The following SUN1 variants were observed in gnomAD, a reference collection of about 807,000 sequenced individuals.
SUN1 encodes SUN domain-containing protein 1.
SUN1 carries 61 observed loss-of-function variants against 103.2 expected under a neutral mutation model. The ratio of observed to expected loss-of-function variants is 0.59; its 90% CI spans 0.48 to 0.73. SUN1 has a LOEUF of 0.73. Among genes scored for constraint, SUN1 ranks in the 30% least tolerant of loss-of-function variants. The pLI is 0.00. For synonymous variants in SUN1, 490 were observed against 425.7 expected (o/e 1.15, Z -1.86); for missense variants, 1,052 against 1,034.6 (o/e 1.02, Z -0.23).
intron 15 of SUN1, among the ~76,000 whole-genome samples, chr7:865,634 C>A (rs1374762310): frequency 6.6e-6 from 1 of 152,106 alleles, no homozygotes; most frequent in African/African-American, 2.4e-5. Flanking sequence ...CATATGGTAG[C>A]TCTGTTTTTA....
chr7:838,148 G>C (rs773537764), intron 1 of SUN1, among the ~76,000 whole-genome samples: 1 of 152,184 alleles, frequency 6.6e-6, no homozygotes, highest in Non-Finnish European at 1.5e-5. Context: ...AAACTCCCAG[G>C]CTCACGCAAT....
chr7:832,692 A>G, intron 1 of SUN1, 91 bp downstream of exon 1: 1 of 929,776 alleles, frequency 1.1e-6, no homozygotes, highest in Non-Finnish European at 1.7e-6. Context: ...CCATAGTACT[A>G]CCGACTACAT....
At chr7:837,688 C>A (rs1014182494) in intron 1 of SUN1, among the ~76,000 whole-genome samples, 1 of 152,134 alleles carries the variant, frequency 6.6e-6, no homozygotes, top group East Asian at 1.9e-4. Flanking sequence ...TGCTTTAATA[C>A]GATAGCCTAC....
In SUN1 at chr7:841,957, A is replaced by C. The variant is rs78842948; in HGVS notation, c.278A>C (p.Gln93Pro). Residue 93 changes from glutamine to proline, a missense_variant, in exon 3 of 19, where the codon CAG becomes CCG. Around this residue, in one of 2 missense-constraint regions of SUN1, gnomAD observed 846 missense variants for 774.5 expected, o/e 1.09. Transcript: ENST00000401592. ...LKNRAARTTKQRRSTNKSAFS... is the reference protein window; with the variant it reads ...LKNRAARTTKPRRSTNKSAFS... ...TTTTTTCTTCTTAGAACAACAAAAC[A>C]GCGCAGAAGCACAAACAAATCAGCT... The C allele has an allele frequency of 2.8e-3, 4,520 of 1,614,168 alleles. 104 individuals are homozygous for C. In the African/African-American group the frequency reaches 0.049, roughly 18 times the overall value.
intron 1 of SUN1, among the ~76,000 whole-genome samples, chr7:826,127 C>T (rs1791577936): frequency 6.6e-6 from 1 of 152,090 alleles, no homozygotes. Flanking sequence ...GGTCCCAGCA[C>T]TGTGGGAAGC....
In SUN1 at chr7:852,952, G is replaced by A. The variant is rs190583199; in HGVS notation, c.1053G>A (p.Gln351=). The change falls in exon 9 of 19, where the codon CAG becomes CAA. Residue 351 remains glutamine (Q), a splice_region_variant and synonymous_variant. Coordinates refer to ENST00000401592, the MANE Select transcript of SUN1 (RefSeq NM_001130965.3). ...PTTSRLKQPL[Q]GDSEAFPWHW... is the part of the protein sequence containing the mutation. ...CTTCTCGCCTGAAGCAGCCTCTGCA[G>A]GTAAGAGGGTAGAAAGGCCTCTCAG... 5.0e-6 allele frequency: 8 copies of A among 1,610,886 alleles called. No homozygotes were observed. In the East Asian group the frequency reaches 1.3e-4, roughly 27 times the overall value.
At position 843,198 on chromosome 7, in the gene SUN1, T is replaced by A. The variant is rs1423580860; in HGVS notation, c.452-8T>A. On this transcript the variant is annotated splice_polypyrimidine_tract_variant and splice_region_variant and intron_variant, in intron 3 of 18. Transcript: ENST00000401592. ...AAAATGTGTGTGTGTGTGTGTTTTT[T>A]TTTTTAGGTCTTGATGATGATGGTG... 2 of 1,608,556 alleles carry A rather than the reference T, an allele frequency of 1.2e-6. No individual in the cohort carries two copies. The highest frequency in any genetic ancestry group is 1.7e-6 in the Non-Finnish European group (2 of 1,179,614).
rs4721949 is a variant in SUN1, at chr7:865,781, T to C, written c.1865-171T>C. Reference sequence around the variant, plus strand: ...CCTGTCTTTAGGATAGAAGCCATTGTAACTGGGGGGAGAAGAGATCTAATT... The same window carrying C: ...CCTGTCTTTAGGATAGAAGCCATTGCAACTGGGGGGAGAAGAGATCTAATT... On this transcript the variant is annotated intron_variant, in intron 15 of 18. Coordinates refer to ENST00000401592, the MANE Select transcript of SUN1 (RefSeq NM_001130965.3). Among the ~76,000 whole-genome samples, 24,392 of 152,198 alleles carry C rather than the reference T, an allele frequency of 0.16. 2,084 individuals are homozygous for C. The highest frequency in any genetic ancestry group is 0.24 in the South Asian group (1,169 of 4,816).
intron 18 of SUN1, 103 bp downstream of exon 18, chr7:872,665 C>T: frequency 1.1e-6 from 1 of 881,812 alleles, no homozygotes; most frequent in Non-Finnish European, 1.8e-6. Flanking sequence ...GCGTGAGGAC[C>T]ATCCTTTGAA....
intron 5 of SUN1, chr7:850,066 C>A: frequency 6.6e-7 from 1 of 1,522,404 alleles, no homozygotes. Flanking sequence ...TCTCATCTCG[C>A]CCTGTCACCA....
chr7:865,649 T>C (rs927454044), intron 15 of SUN1, among the ~76,000 whole-genome samples: 5 of 152,174 alleles, frequency 3.3e-5, no homozygotes, highest in African/African-American at 1.2e-4. Flanking sequence ...TTTTTAGTTT[T>C]CTTGGGGACC....
At chr7:871,876 A>G (rs1275777997) in intron 17 of SUN1, among the ~76,000 whole-genome samples, 3 of 152,238 alleles carry the variant, frequency 2.0e-5, no homozygotes, top group Non-Finnish European at 4.4e-5. Context: ...TTACTGTTCT[A>G]ATAAGTGCAC....
chr7:829,513 T>A (rs1287986700), upstream of SUN1, among the ~76,000 whole-genome samples: 1 of 151,926 alleles, frequency 6.6e-6, no homozygotes, highest in Non-Finnish European at 1.5e-5. Flanking sequence ...AAATCTTTTG[T>A]CTCAGGAATT....
chr7:862,794 T>G (rs1833190087), intron 15 of SUN1, among the ~76,000 whole-genome samples: 1 of 152,122 alleles, frequency 6.6e-6, no homozygotes, highest in Non-Finnish European at 1.5e-5. Flanking sequence ...AAAAGATAAT[T>G]CAGTGGTTTA....
chr7:852,512 G>C (rs957516274), intron 7 of SUN1, 97 bp from the exon 8 acceptor site: 6 of 1,394,066 alleles, frequency 4.3e-6, no homozygotes, highest in African/African-American at 4.3e-5. Context: ...ATACTGGGGG[G>C]GTGGATTTTG....
intron 17 of SUN1, among the ~76,000 whole-genome samples, chr7:870,985 G>T (rs1333231096): frequency 6.6e-6 from 1 of 151,392 alleles, no homozygotes; most frequent in Non-Finnish European, 1.5e-5. Flanking sequence ...CCGCCTCCCG[G>T]GTTCAAGCGA....
At chr7:841,784 T>C (rs1369542067) in intron 2 of SUN1, 162 bp from the exon 3 acceptor site, 14 of 711,514 alleles carry the variant, frequency 2.0e-5, no homozygotes, top group Non-Finnish European at 3.1e-5. Context: ...AAAATTCCTT[T>C]TTTATATTAA....
At chr7:866,403 C>G (rs977801847) in intron 16 of SUN1, among the ~76,000 whole-genome samples, 8 of 152,122 alleles carry the variant, frequency 5.3e-5, no homozygotes, top group Non-Finnish European at 8.8e-5. Context: ...TCTTCCGTCA[C>G]GAGAGTGGCA....
At chr7:868,194 G>A (rs761895081) in intron 16 of SUN1, among the ~76,000 whole-genome samples, 1 of 152,246 alleles carries the variant, frequency 6.6e-6, no homozygotes, top group Admixed American at 6.5e-5. Context: ...GGCAGGCTGC[G>A]TGCACGGTCT....
Sources: allele counts gnomAD v4.1 joint callset (sites outside exome capture counted in the v4.1 genomes callset), GRCh38; gene constraint gnomAD v4.1.1; regional missense constraint gnomAD v4.1.1; transcripts MANE v1.5; gene names NCBI Gene and HGNC (gene_info 2026-07-23, HGNC 2026-07-21).